XRN1: variants seen among roughly 807,000 people sequenced by gnomAD.
XRN1 encodes the protein 5'-3' exoribonuclease 1.
In XRN1, 67 loss-of-function variants were observed where a neutral mutation model predicts 222.3. The ratio of observed to expected loss-of-function variants is 0.30; its 90% CI spans 0.25 to 0.37. The LOEUF (loss-of-function observed/expected upper bound fraction) is 0.37, where lower values mean the gene tolerates loss of function less well. XRN1 is among the 10% of genes least tolerant of loss of function. XRN1 has a pLI of 1.00. For synonymous variants in XRN1, 643 were observed against 652.4 expected (o/e 0.99, Z 0.22); for missense variants, 1,707 against 2,000.2 (o/e 0.85, Z 2.80).
At chr3:142,374,760 T>C (rs2067090127) in intron 25 of XRN1, among the ~76,000 whole-genome samples, 2 of 152,176 alleles carry the variant, frequency 1.3e-5, no homozygotes, top group Admixed American at 1.3e-4. Context: ...AGAAACAATC[T>C]AAATTTCCAG....
chr3:142,392,747 C>T (rs2067779059), intron 20 of XRN1, among the ~76,000 whole-genome samples: 1 of 151,830 alleles, frequency 6.6e-6, no homozygotes, highest in African/African-American at 2.4e-5. Context: ...GGGTTGGTTC[C>T]AAGTCTTTGC....
chr3:142,345,023 G>C (rs2066103119), intron 33 of XRN1, among the ~76,000 whole-genome samples: 1 of 152,194 alleles, frequency 6.6e-6, no homozygotes, highest in African/African-American at 2.4e-5. Context: ...AATCAAGACT[G>C]TGTATTTCAC....
rs1474984333 is a variant in XRN1 at position 142,383,103 on chromosome 3, C to T, written c.2616+197G>A. 2.6e-5 allele frequency among the ~76,000 whole-genome samples: 4 copies of T among 152,226 alleles called. No individual in the cohort carries two copies. In the East Asian group the frequency reaches 7.7e-4, roughly 29 times the overall value. On this transcript the variant is annotated intron_variant, in intron 22 of 40. Transcript: ENST00000392981. The stretch of plus-strand genomic sequence containing the variant: ...CCTCTTGATCCTAATCTGCTCAAGA[C>T]TAAAAGTATATGGTCTTTAGTCTTA...
At chr3:142,383,482 T>A in intron 21 of XRN1, 69 bp from the exon 22 acceptor site, 1 of 1,311,404 alleles carries the variant, frequency 7.6e-7, no homozygotes. Context: ...TTTTTTCCTA[T>A]GGGATTATGA....
chr3:142,422,675 C>A lies in XRN1; in HGVS notation c.874G>T (p.Asp292Tyr). The A allele has an allele frequency of 6.2e-7, 1 of 1,612,540 alleles. No homozygotes were observed. Among genetic ancestry groups the A allele is most frequent in the Non-Finnish European group, 8.5e-7 (1 of 1,178,754 alleles). Reference sequence around the variant, plus strand: ...AAATGAGGTAGATGAGGGATAAAATCATTACCAACAAGAAACCCCATCAAA... The same window carrying A: ...AAATGAGGTAGATGAGGGATAAAATAATTACCAACAAGAAACCCCATCAAA... ...WILMGFLVGNDFIPHLPHLHI... is the reference protein window; with the variant it reads ...WILMGFLVGNYFIPHLPHLHI... Residue 292 changes from aspartate to tyrosine, a missense_variant, in exon 8 of 41, where the codon GAT (aspartate) becomes TAT (tyrosine). This residue lies in a region of XRN1 where 1,234 missense variants were observed against 1,518.2 expected (regional missense o/e 0.81). Coordinates refer to ENST00000392981, the MANE Select transcript of XRN1 (RefSeq NM_001282857.2).
intron 16 of XRN1, 72 bp downstream of exon 16, chr3:142,404,835 C>T: frequency 1.4e-6 from 2 of 1,444,574 alleles, no homozygotes; most frequent in Non-Finnish European, 1.9e-6. Context: ...TCAAAGCTCC[C>T]CCTTCACCAC....
chr3:142,321,105 CTTTTTTTTTTTTT>C (rs573856556), intron 37 of XRN1, among the ~76,000 whole-genome samples: 2 of 87,280 alleles, frequency 2.3e-5, no homozygotes, highest in African/African-American at 4.8e-5. Flanking sequence ...CATCCACTTC[CTTTTTTTTTTTTT>C]TTTTTTTTTT....
intron 1 of XRN1, among the ~76,000 whole-genome samples, chr3:142,443,568 G>A (rs112733360): frequency 1.4e-3 from 210 of 152,314 alleles, no homozygotes; most frequent in African/African-American, 4.6e-3. Flanking sequence ...CATTCAAGCC[G>A]GCAACAGCAA....
chr3:142,435,983 C>G (rs932969755), intron 1 of XRN1: 1 of 150,948 alleles, frequency 6.6e-6, no homozygotes, highest in Non-Finnish European at 1.5e-5. Flanking sequence ...TGGCGTGAAC[C>G]CAGGAGGCGG....
In XRN1 at chr3:142,447,877, T is replaced by C. The variant is rs767131392; in HGVS notation, c.68A>G (p.Glu23Gly). 2.5e-6 allele frequency: 4 copies of C among 1,613,676 alleles called. No individual in the cohort carries two copies. Among genetic ancestry groups the C allele is most frequent in the Non-Finnish European group, 3.4e-6 (4 of 1,179,904 alleles). Residue 23 changes from glutamate to glycine, a missense_variant, in exon 1 of 41, where the codon GAG (glutamate) becomes GGG (glycine). Physicochemically the swap from Glu to Gly is moderately conservative, Grantham distance 98. This residue lies in a region of XRN1 where 1,234 missense variants were observed against 1,518.2 expected (regional missense o/e 0.81). Coordinates refer to ENST00000392981, the MANE Select transcript of XRN1 (RefSeq NM_001282857.2). The surrounding 1 kb of genome is among the most constrained non-coding windows in gnomAD (Gnocchi z 4.2). ...TGCCCCTCGCTCACCCACCTGATGCTCTTTCACCACTTCGCTGAGACAGGG... is the reference window on the plus strand; with the variant it reads ...TGCCCCTCGCTCACCCACCTGATGCCCTTTCACCACTTCGCTGAGACAGGG... ...RYPCLSEVVK[E>G]HQIPEFDNLY...
At chr3:142,402,142 C>T (rs16852314) in intron 18 of XRN1, among the ~76,000 whole-genome samples, 2,751 of 152,198 alleles carry the variant, frequency 0.018, 65 homozygotes, top group African/African-American at 0.057. Context: ...TCTCTCCAAG[C>T]TCTAGCTCCA....
chr3:142,362,296 C>A (rs1425085082), intron 29 of XRN1, among the ~76,000 whole-genome samples: 1 of 152,106 alleles, frequency 6.6e-6, no homozygotes, highest in East Asian at 1.9e-4. Context: ...CACCACCATG[C>A]CTGGCTAATT....
chr3:142,407,468 T>G (rs1454040851), intron 15 of XRN1, among the ~76,000 whole-genome samples: 1 of 152,166 alleles, frequency 6.6e-6, no homozygotes, highest in Non-Finnish European at 1.5e-5. Flanking sequence ...TAGCTGGGAC[T>G]ACAGGCATGA....
At chr3:142,415,387 G>C (rs1405495008) in intron 13 of XRN1, among the ~76,000 whole-genome samples, 1 of 152,162 alleles carries the variant, frequency 6.6e-6, no homozygotes, top group Non-Finnish European at 1.5e-5. Context: ...AAAAAGGGTA[G>C]ACTTTGGAAT....
intron 24 of XRN1, 30 bp from the exon 25 acceptor site, chr3:142,375,974 GCACACACACACACA>G: frequency 6.9e-7 from 1 of 1,447,368 alleles, no homozygotes; most frequent in Non-Finnish European, 9.2e-7. Flanking sequence ...GCGCACACGT[GCACACACACACACA>G]CACACACACA....
intron 35 of XRN1, 54 bp from the exon 36 acceptor site, chr3:142,332,588 C>T: frequency 4.1e-6 from 6 of 1,469,730 alleles, no homozygotes; most frequent in Non-Finnish European, 5.5e-6. Flanking sequence ...ACAAAGTCAA[C>T]ATTACATCTG....
intron 18 of XRN1, among the ~76,000 whole-genome samples, chr3:142,403,188 A>G (rs978228316): frequency 1.3e-5 from 2 of 152,212 alleles, no homozygotes; most frequent in Non-Finnish European, 2.9e-5. Context: ...CTCTGCTTCA[A>G]TAAGGCTTAT....
chr3:142,340,463 T>C (rs1229695486), intron 33 of XRN1, among the ~76,000 whole-genome samples: 1 of 151,400 alleles, frequency 6.6e-6, no homozygotes, highest in Admixed American at 6.6e-5. Flanking sequence ...CTAAGATTAT[T>C]AGCCTTAAAG....
intron 37 of XRN1, among the ~76,000 whole-genome samples, chr3:142,328,385 C>T (rs2065579638): frequency 6.6e-6 from 1 of 152,028 alleles, no homozygotes; most frequent in South Asian, 2.1e-4. Context: ...TTAATTTCTT[C>T]ATTGACCCAA....
Sources: allele counts gnomAD v4.1 joint callset (sites outside exome capture counted in the v4.1 genomes callset), GRCh38; gene constraint gnomAD v4.1.1; regional missense constraint gnomAD v4.1.1; non-coding constraint Gnocchi (gnomAD v3.1); transcripts MANE v1.5; gene names NCBI Gene and HGNC (gene_info 2026-07-23, HGNC 2026-07-21).